RASA1: variants seen among roughly 807,000 people sequenced by gnomAD.
The protein encoded by RASA1 is ras GTPase-activating protein 1.
RASA1 carries 25 observed loss-of-function variants against 132.2 expected under a neutral mutation model. The observed-to-expected ratio is 0.19, with a 90% CI of 0.14 to 0.26. RASA1 has a LOEUF of 0.26. RASA1 is among the 10% of genes least tolerant of loss of function. The probability of loss-of-function intolerance (pLI) is 1.00; values close to 1 mark genes in which losing one functional copy is unlikely to be tolerated. For synonymous variants in RASA1, 477 were observed against 449.9 expected, an observed-to-expected ratio of 1.06 and a Z score of -0.76; for missense variants, 964 against 1,299.2, an observed-to-expected ratio of 0.74 and a Z score of 3.97.
At chr5:87,275,858 G>C (rs928308715) in intron 1 of RASA1, among the ~76,000 whole-genome samples, 2 of 152,194 alleles carry the variant, frequency 1.3e-5, no homozygotes, top group African/African-American at 2.4e-5. Context: ...ATGAGCCACT[G>C]TGCCCAGCCA....
intron 1 of RASA1, among the ~76,000 whole-genome samples, chr5:87,291,933 A>G (rs1754927041): frequency 6.6e-6 from 1 of 152,180 alleles, no homozygotes. Context: ...TATGATATTG[A>G]ACATCTTTTC....
At chr5:87,376,704 T>C in intron 16 of RASA1, 139 bp downstream of exon 16, 1 of 1,278,412 alleles carries the variant, frequency 7.8e-7, no homozygotes, top group Non-Finnish European at 1.1e-6. Flanking sequence ...CCTTGTTTTA[T>C]ACTGTAATTT....
chr5:87,333,383 A>G (rs370271481), intron 4 of RASA1, 46 bp downstream of exon 4: 8 of 1,605,114 alleles, frequency 5.0e-6, no homozygotes, highest in Non-Finnish European at 6.8e-6. Context: ...AAAGAGCTAG[A>G]CTTCGAAGAT....
intron 1 of RASA1, chr5:87,294,253 C>T (rs936633061): frequency 6.6e-6 from 1 of 152,224 alleles, no homozygotes; most frequent in Non-Finnish European, 1.5e-5. Context: ...TGCAATCCCA[C>T]TACTGATCTG....
intron 24 of RASA1, among the ~76,000 whole-genome samples, chr5:87,390,469 T>C (rs927163186): frequency 2.6e-5 from 4 of 151,892 alleles, no homozygotes; most frequent in African/African-American, 9.7e-5. Context: ...TGACTTGACT[T>C]GCCTTAGATA....
At chr5:87,275,268 C>T (rs955978774) in intron 1 of RASA1, among the ~76,000 whole-genome samples, 1 of 152,112 alleles carries the variant, frequency 6.6e-6, no homozygotes, top group African/African-American at 2.4e-5. Flanking sequence ...GTTGTTGTTG[C>T]TTACTGCCAA....
At chr5:87,287,805 C>CAT (rs1483149552) in intron 1 of RASA1, among the ~76,000 whole-genome samples, 1 of 143,468 alleles carries the variant, frequency 7.0e-6, no homozygotes, top group African/African-American at 2.6e-5. Flanking sequence ...ATATACACAC[C>CAT]ATATATATAC....
chr5:87,319,923 C>G (rs1366674754), intron 1 of RASA1, among the ~76,000 whole-genome samples: 2 of 152,222 alleles, frequency 1.3e-5, no homozygotes, highest in Non-Finnish European at 2.9e-5. Context: ...CACACCGTCT[C>G]TTCATACATA....
chr5:87,358,527 T>G (rs2112445425), intron 9 of RASA1, among the ~76,000 whole-genome samples: 1 of 152,348 alleles, frequency 6.6e-6, no homozygotes, highest in South Asian at 2.1e-4. Context: ...GTCTAGAATA[T>G]GACCACCACC....
chr5:87,298,307 G>T (rs1755208974), intron 1 of RASA1, among the ~76,000 whole-genome samples: 2 of 151,830 alleles, frequency 1.3e-5, no homozygotes, highest in Non-Finnish European at 2.9e-5. Context: ...TACTCGGGAG[G>T]CTGAGGCAGG....
rs758288921 is a variant in RASA1, at chr5:87,376,885, T to C, written c.2189T>C (p.Ile730Thr). The change falls in exon 17 of 25, where the codon ATA becomes ACA. Residue 730 changes from isoleucine (I) to threonine (T), a missense_variant. Ile to Thr is a moderately conservative substitution (Grantham distance 89, BLOSUM62 -1). Coordinates refer to ENST00000274376, the MANE Select transcript of RASA1 (RefSeq NM_002890.3). Reference protein sequence around the residue: ...EEEYSEFKELILQKELHVVYA... With the variant: ...EEEYSEFKELTLQKELHVVYA... ...TCTTTTAAAATGTCATTTTAGCTTA[T>C]ACTGCAAAAGGAACTTCATGTAGTC... The C allele has an allele frequency of 1.3e-5, 21 of 1,602,224 alleles. No homozygotes were observed. Among genetic ancestry groups the C allele is most frequent in the Admixed American group, 3.3e-5 (2 of 59,974 alleles).
intron 1 of RASA1, 124 bp from the exon 2 acceptor site, chr5:87,331,224 G>C (rs1209511762): frequency 9.0e-7 from 1 of 1,108,018 alleles, no homozygotes; most frequent in Non-Finnish European, 1.4e-6. Flanking sequence ...CTGGTTCAGA[G>C]TAAAATGTAA....
At chr5:87,383,913 A>G in intron 21 of RASA1, 133 bp downstream of exon 21, 1 of 785,884 alleles carries the variant, frequency 1.3e-6, no homozygotes, top group South Asian at 1.8e-5. Flanking sequence ...GAAGTATTCC[A>G]AAGCACCCTT....
intron 4 of RASA1, among the ~76,000 whole-genome samples, chr5:87,337,057 A>T (rs1758028854): frequency 6.6e-6 from 1 of 152,084 alleles, no homozygotes; most frequent in Non-Finnish European, 1.5e-5. Flanking sequence ...TGTGAATATT[A>T]AGATTGAAAG....
At chr5:87,278,451 C>T (rs1754163587) in intron 1 of RASA1, among the ~76,000 whole-genome samples, 1 of 151,356 alleles carries the variant, frequency 6.6e-6, no homozygotes. Flanking sequence ...GAGGCTGAGA[C>T]AGGAGAATGG....
At chr5:87,285,300 C>G (rs1754500900) in intron 1 of RASA1, among the ~76,000 whole-genome samples, 1 of 151,828 alleles carries the variant, frequency 6.6e-6, no homozygotes, top group Admixed American at 6.6e-5. Context: ...ATTTCTTGAC[C>G]TCGTGATCCT....
At chr5:87,312,866 A>G (rs953994435) in intron 1 of RASA1, among the ~76,000 whole-genome samples, 12 of 152,236 alleles carry the variant, frequency 7.9e-5, no homozygotes, top group Non-Finnish European at 1.2e-4. Context: ...AGAGAAAAAA[A>G]CAGATTTGTT....
chr5:87,295,587 C>T (rs1462492137), intron 1 of RASA1, among the ~76,000 whole-genome samples: 3 of 151,982 alleles, frequency 2.0e-5, no homozygotes, highest in African/African-American at 7.3e-5. Flanking sequence ...TGTCTCACTG[C>T]TCCATCTCCC....
chr5:87,274,101 A>T (rs1347941684), intron 1 of RASA1, among the ~76,000 whole-genome samples: 1 of 152,200 alleles, frequency 6.6e-6, no homozygotes, highest in Admixed American at 6.5e-5. Flanking sequence ...CTAGATTGCC[A>T]GAGCTGAGTA....
Sources: gnomAD v4.1 joint callset for allele counts (sites outside exome capture counted in the v4.1 genomes callset) on GRCh38, gnomAD v4.1.1 for gene constraint, MANE v1.5 for transcripts, NCBI Gene and HGNC (gene_info 2026-07-23, HGNC 2026-07-21) for gene names.